CCDC91: variants seen among roughly 807,000 people sequenced by gnomAD.
The protein encoded by CCDC91 is coiled-coil domain containing 91, also known as coiled-coil domain-containing protein 91.
CCDC91 carries 48 observed loss-of-function variants against 63.2 expected under a neutral mutation model. The observed-to-expected ratio is 0.76, with a 90% confidence interval of 0.60 to 0.97. The LOEUF (loss-of-function observed/expected upper bound fraction) is 0.97, where lower values mean the gene tolerates loss of function less well. Among genes scored for constraint, CCDC91 ranks in the 50% least tolerant of loss-of-function variants. The probability of loss-of-function intolerance (pLI) is 0.00; values close to 1 mark genes in which losing one functional copy is unlikely to be tolerated. For missense variants in CCDC91, 500 were observed against 494.6 expected, an observed-to-expected ratio of 1.01 and a Z score of -0.10; for synonymous variants, 167 against 165.8, an observed-to-expected ratio of 1.01 and a Z score of -0.06.
chr12:28,364,909 C>T (rs1418869126), intron 7 of CCDC91, among the ~76,000 whole-genome samples: 1 of 152,074 alleles, frequency 6.6e-6, no homozygotes, highest in Non-Finnish European at 1.5e-5. Context: ...ACCTTCGTTG[C>T]AAAATTTTAC....
intron 12 of CCDC91, among the ~76,000 whole-genome samples, chr12:28,502,470 G>A (rs1341667891): frequency 6.6e-6 from 1 of 151,460 alleles, no homozygotes; most frequent in Admixed American, 6.6e-5. Flanking sequence ...ATGCTCATGG[G>A]TAGGAAGAAT....
chr12:28,494,816 C>A (rs1952195027), intron 12 of CCDC91, among the ~76,000 whole-genome samples: 1 of 151,708 alleles, frequency 6.6e-6, no homozygotes, highest in Non-Finnish European at 1.5e-5. Context: ...CCTAAGAGCT[C>A]TAGATGTACA....
chr12:28,436,141 CT>C (rs1036563311), intron 8 of CCDC91, among the ~76,000 whole-genome samples: 2 of 151,770 alleles, frequency 1.3e-5, no homozygotes, highest in Admixed American at 1.3e-4. Context: ...TTCTTGTTTT[CT>C]GTTTGTTACC....
chr12:28,382,555 G>T (rs779855821), intron 7 of CCDC91, among the ~76,000 whole-genome samples: 1 of 151,986 alleles, frequency 6.6e-6, no homozygotes, highest in Non-Finnish European at 1.5e-5. Context: ...ATAAAATGAG[G>T]AATCTAATAC....
intron 1 of CCDC91, among the ~76,000 whole-genome samples, chr12:28,237,235 T>TACAC (rs58134900): frequency 0.072 from 10,249 of 143,048 alleles, 666 homozygotes; most frequent in African/African-American, 0.18. Flanking sequence ...GTATTACACA[T>TACAC]ACACACACAC....
intron 1 of CCDC91, among the ~76,000 whole-genome samples, chr12:28,206,705 T>G (rs1942882344): frequency 6.6e-6 from 1 of 152,236 alleles, no homozygotes; most frequent in Admixed American, 6.5e-5. Flanking sequence ...CTGCAGGTAC[T>G]TCTGTGTTTA....
chr12:28,489,354 A>G (rs1211935771), intron 12 of CCDC91, among the ~76,000 whole-genome samples: 2 of 151,918 alleles, frequency 1.3e-5, no homozygotes, highest in Non-Finnish European at 2.9e-5. Context: ...GAGATGGGAA[A>G]GAATACATCC....
intron 8 of CCDC91, among the ~76,000 whole-genome samples, chr12:28,448,120 C>T (rs1949625985): frequency 6.6e-6 from 1 of 152,004 alleles, no homozygotes; most frequent in Non-Finnish European, 1.5e-5. Flanking sequence ...TAGATAATTA[C>T]TACTACCGAT....
chr12:28,208,458 C>T (rs1197977932), intron 1 of CCDC91, among the ~76,000 whole-genome samples: 5 of 151,944 alleles, frequency 3.3e-5, no homozygotes, highest in African/African-American at 1.2e-4. Flanking sequence ...ATAAAGTTTC[C>T]CATGTAACTT....
At chr12:28,369,705 G>A (rs753287435) in intron 7 of CCDC91, among the ~76,000 whole-genome samples, 1 of 152,150 alleles carries the variant, frequency 6.6e-6, no homozygotes, top group Non-Finnish European at 1.5e-5. Context: ...CTTCTGCCTC[G>A]ACATCCAGGC....
intron 12 of CCDC91, among the ~76,000 whole-genome samples, chr12:28,492,372 GA>G (rs1395576327): frequency 2.0e-5 from 3 of 151,536 alleles, no homozygotes; most frequent in African/African-American, 4.8e-5. Context: ...AATTTATAAA[GA>G]TTTTTTTATA....
intron 1 of CCDC91, among the ~76,000 whole-genome samples, chr12:28,210,641 A>T (rs1943169874): frequency 1.3e-5 from 2 of 152,208 alleles, no homozygotes. Flanking sequence ...TTTTAAGCAT[A>T]GGACTCTTTA....
intron 11 of CCDC91, among the ~76,000 whole-genome samples, chr12:28,474,821 C>A (rs769608708): frequency 6.6e-6 from 1 of 151,954 alleles, no homozygotes; most frequent in Non-Finnish European, 1.5e-5. Flanking sequence ...AACAAACTGT[C>A]TCTCAGACGA....
At chr12:28,406,301 A>G (rs985678382) in intron 8 of CCDC91, among the ~76,000 whole-genome samples, 2 of 151,878 alleles carry the variant, frequency 1.3e-5, no homozygotes, top group South Asian at 2.1e-4. Context: ...AAATCCCTCA[A>G]TTTTTGAGAA....
intron 7 of CCDC91, among the ~76,000 whole-genome samples, chr12:28,387,101 T>C (rs1467069620): frequency 3.3e-5 from 5 of 152,162 alleles, no homozygotes; most frequent in Non-Finnish European, 7.4e-5. Context: ...AACTGGAAGA[T>C]AAATATTCAG....
At chr12:28,201,983 G>A (rs1302213592) in intron 1 of CCDC91, among the ~76,000 whole-genome samples, 1 of 152,034 alleles carries the variant, frequency 6.6e-6, no homozygotes, top group Non-Finnish European at 1.5e-5. Context: ...CAGCAGTACA[G>A]TCCAGCTTCG....
intron 8 of CCDC91, among the ~76,000 whole-genome samples, chr12:28,432,691 A>G (rs1248849010): frequency 6.6e-6 from 1 of 152,132 alleles, no homozygotes; most frequent in Non-Finnish European, 1.5e-5. Flanking sequence ...ATCCATGTGC[A>G]TGTTTTTTGT....
chr12:28,345,781 G>A (rs1371371138), intron 6 of CCDC91, among the ~76,000 whole-genome samples: 1 of 151,166 alleles, frequency 6.6e-6, no homozygotes, highest in Non-Finnish European at 1.5e-5. Flanking sequence ...TTGATTTTTC[G>A]GATCTTATGT....
intron 12 of CCDC91, among the ~76,000 whole-genome samples, chr12:28,499,871 T>A (rs1952533294): frequency 6.6e-6 from 1 of 152,136 alleles, no homozygotes; most frequent in African/African-American, 2.4e-5. Context: ...GTAATGGGAT[T>A]GCTGGGTCAA....
Sources: gnomAD v4.1 joint callset for allele counts (sites outside exome capture counted in the v4.1 genomes callset) on GRCh38, gnomAD v4.1.1 for gene constraint, MANE v1.5 for transcripts, NCBI Gene and HGNC (gene_info 2026-07-23, HGNC 2026-07-21) for gene names.